Variants in CFAP52 observed in about 807,000 individuals in gnomAD.
CFAP52 encodes the protein cilia and flagella associated protein 52.
Under a neutral mutation model 70.5 loss-of-function variants are expected in CFAP52, and 57 were observed. The observed-to-expected ratio is 0.81, with a 90% CI of 0.65 to 1.01. The LOEUF (loss-of-function observed/expected upper bound fraction) is 1.01. Ranked by LOEUF, CFAP52 falls within the 50% of genes least tolerant of loss-of-function variation. CFAP52 has a pLI of 0.00. For missense variants in CFAP52, 785 were observed against 788.5 expected (o/e 1.00, Z 0.05); for synonymous variants, 267 against 292.5 (o/e 0.91, Z 0.89).
At chr17:9,597,690 C>G (rs1007536621) in intron 4 of CFAP52, 1 of 152,512 alleles carries the variant, frequency 6.6e-6, no homozygotes, top group African/African-American at 2.4e-5. Context: ...GTAGTCCCAG[C>G]TACTTAGTAG....
chr17:9,611,169 G>A (rs1297603851), intron 7 of CFAP52, among the ~76,000 whole-genome samples: 1 of 152,076 alleles, frequency 6.6e-6, no homozygotes, highest in African/African-American at 2.4e-5. Context: ...ACAAGAACCT[G>A]CGTTGAATTC....
chr17:9,628,808 A>T lies in CFAP52; in HGVS notation c.1162A>T (p.Ser388Cys). The T allele has an allele frequency of 1.9e-6, 3 of 1,614,096 alleles. No homozygotes were observed. The highest frequency in any genetic ancestry group is 2.2e-5 in the East Asian group (1 of 44,870). Residue 388 changes from serine (S) to cysteine (C), a missense_variant, in exon 9 of 14, where the codon AGC (serine) becomes TGC (cysteine). Coordinates refer to ENST00000352665, the MANE Select transcript of CFAP52 (RefSeq NM_145054.5). ...HGIDFMRDGKSIISAWNDGKI... is the reference protein window; with the variant it reads ...HGIDFMRDGKCIISAWNDGKI... ...CATCGACTTCATGAGGGACGGCAAA[A>T]GCATCATTTCAGGTAACGTCCACAT...
At chr17:9,643,564 TAA>T (rs1911187806), downstream of CFAP52, 1 of 158,604 alleles carries the variant, frequency 6.3e-6, no homozygotes, top group Non-Finnish European at 1.4e-5. Flanking sequence ...ATTTCCTTCT[TAA>T]TTGCCATTTC....
chr17:9,624,705 G>C (rs530273217), intron 8 of CFAP52, among the ~76,000 whole-genome samples: 3 of 151,610 alleles, frequency 2.0e-5, no homozygotes, highest in Non-Finnish European at 2.9e-5. Context: ...CCTTTTTTTT[G>C]AGTCATATTT....
At chr17:9,589,159 C>CAATCAATG (rs2151929824) in intron 3 of CFAP52, among the ~76,000 whole-genome samples, 1 of 152,162 alleles carries the variant, frequency 6.6e-6, no homozygotes, top group South Asian at 2.1e-4. Context: ...GCAAGACATT[C>CAATCAATG]CTATGTAAAT....
chr17:9,607,474 G>A (rs1001220342), intron 6 of CFAP52, among the ~76,000 whole-genome samples: 6 of 152,172 alleles, frequency 3.9e-5, no homozygotes, highest in Non-Finnish European at 1.5e-5. Flanking sequence ...TCTTTGGAGA[G>A]AATGGTGGGG....
chr17:9,605,972 A>C (rs1301161159), intron 6 of CFAP52, among the ~76,000 whole-genome samples: 2 of 152,064 alleles, frequency 1.3e-5, no homozygotes, highest in African/African-American at 4.8e-5. Context: ...AGATATTGAT[A>C]ATGGGAGAGG....
chr17:9,601,402 A>G (rs921837126), intron 6 of CFAP52, among the ~76,000 whole-genome samples: 6 of 152,070 alleles, frequency 3.9e-5, no homozygotes, highest in African/African-American at 7.2e-5. Flanking sequence ...CCTAAAACTT[A>G]AAGTATAATA....
chr17:9,582,990 A>G (rs1367478382), intron 1 of CFAP52, among the ~76,000 whole-genome samples: 1 of 152,126 alleles, frequency 6.6e-6, no homozygotes, highest in Admixed American at 6.6e-5. Flanking sequence ...CTTTTCTTTT[A>G]TGATTTGCTC....
chr17:9,614,672 A>G lies in CFAP52; in HGVS notation c.1025+2193A>G, dbSNP rs113440291. 5.7e-3 allele frequency among the ~76,000 whole-genome samples: 865 copies of G among 152,350 alleles called. 9 individuals are homozygous for G. The highest frequency in any genetic ancestry group is 0.019 in the African/African-American group (782 of 41,578). The stretch of plus-strand genomic sequence containing the variant: ...AAATTGAATTAGGCCAGGATTTCTC[A>G]ACCTCCGCACTATTGACATTTTGAG... On this transcript the variant is annotated intron_variant, in intron 8 of 13. Coordinates refer to ENST00000352665, the MANE Select transcript of CFAP52 (RefSeq NM_145054.5).
Position 9,643,184 on chromosome 17 carries a change from C to T in CFAP52, c.1849C>T (p.Pro617Ser), listed in dbSNP as rs780263909. 6.2e-7 allele frequency: 1 copy of T among 1,609,188 alleles called. No homozygotes were observed. The highest frequency in any genetic ancestry group is 2.2e-5 in the East Asian group (1 of 44,750). ...TGGAGCCATTTTGCGATGGAAGTACCCATATACCTCCTGAAGCTGATGAGA... is the reference window on the plus strand; with the variant it reads ...TGGAGCCATTTTGCGATGGAAGTACTCATATACCTCCTGAAGCTGATGAGA... Reference protein sequence around the residue: ...ADGAILRWKYPYTS With the variant: ...ADGAILRWKYSYTS The change falls in exon 14 of 14, where the codon CCA (proline) becomes TCA (serine). Residue 617 changes from proline (P) to serine (S), a missense_variant. Physicochemically the swap from Pro to Ser is moderately conservative, Grantham distance 74 (BLOSUM62 -1). Transcript: ENST00000352665.
chr17:9,590,258 G>A, intron 3 of CFAP52: 1 of 190,786 alleles, frequency 5.2e-6, no homozygotes, highest in East Asian at 1.3e-4. Context: ...CTATGCCCAT[G>A]TGCCTGCCCT....
intron 3 of CFAP52, among the ~76,000 whole-genome samples, chr17:9,588,817 G>T (rs1908616200): frequency 6.9e-6 from 1 of 144,022 alleles, no homozygotes. Flanking sequence ...TTGTTGCCCA[G>T]GCTGGAGTAA....
intron 3 of CFAP52, among the ~76,000 whole-genome samples, chr17:9,593,205 C>G (rs997260297): frequency 6.6e-6 from 1 of 152,078 alleles, no homozygotes; most frequent in Non-Finnish European, 1.5e-5. Context: ...ATAACGCCCC[C>G]TCCCCAGCAT....
At chr17:9,610,738 C>T (rs1909683525) in intron 7 of CFAP52, among the ~76,000 whole-genome samples, 1 of 152,074 alleles carries the variant, frequency 6.6e-6, no homozygotes, top group Non-Finnish European at 1.5e-5. Flanking sequence ...GGGGTTTCAC[C>T]CTGTTGGCCA....
At chr17:9,585,663 ACT>A (rs1908430949) in intron 1 of CFAP52, 108 bp from the exon 2 acceptor site, 4 of 1,134,500 alleles carry the variant, frequency 3.5e-6, no homozygotes, top group Non-Finnish European at 5.2e-6. Flanking sequence ...CAAGTGCAAG[ACT>A]CTGTCACACA....
intron 9 of CFAP52, 84 bp downstream of exon 9, chr17:9,628,904 A>C: frequency 6.3e-7 from 1 of 1,581,504 alleles, no homozygotes; most frequent in Non-Finnish European, 8.6e-7. Flanking sequence ...TAGTCTCTAC[A>C]TGTGGATAAC....
rs77481032 is a variant in CFAP52, at chr17:9,628,941, C to G, written c.1174+121C>G. 2.9e-3 allele frequency: 4,152 copies of G among 1,415,250 alleles called. 112 individuals carry two copies. In the African/African-American group the frequency reaches 0.052, roughly 18 times the overall value. The allele number at this position is 1,415,250 out of a possible 1,614,324, so 87.7% of individuals were successfully genotyped here. A position where few individuals can be genotyped will look rare whatever the true frequency, so the allele number is the denominator to read the frequency against. ...TAGAACAGCCTCCCACTGTCCACCCCCTTCTTGCTTCTAATCTAGCCTCTC... is the reference window on the plus strand; with the variant it reads ...TAGAACAGCCTCCCACTGTCCACCCGCTTCTTGCTTCTAATCTAGCCTCTC... On this transcript the variant is annotated intron_variant, in intron 9 of 13. Transcript: ENST00000352665.
chr17:9,581,446 A>C (rs1158752564), intron 1 of CFAP52, among the ~76,000 whole-genome samples: 1 of 152,196 alleles, frequency 6.6e-6, no homozygotes, highest in Non-Finnish European at 1.5e-5. Flanking sequence ...AGATATATTA[A>C]GTATAAAATG....
Sources: gnomAD v4.1 joint callset for allele counts (sites outside exome capture counted in the v4.1 genomes callset) on GRCh38, gnomAD v4.1.1 for gene constraint, MANE v1.5 for transcripts, NCBI Gene and HGNC (gene_info 2026-07-23, HGNC 2026-07-21) for gene names.